The following PLXNA4 variants were observed in gnomAD, a reference collection of about 807,000 sequenced individuals.
PLXNA4 encodes plexin A4.
PLXNA4 carries 44 observed loss-of-function variants against 191.8 expected under a neutral mutation model. The ratio of observed to expected loss-of-function variants is 0.23; its 90% confidence interval spans 0.18 to 0.29. The LOEUF (loss-of-function observed/expected upper bound fraction) is 0.29. Among genes scored for constraint, PLXNA4 ranks in the 10% least tolerant of loss-of-function variants. The pLI is 1.00. For missense variants in PLXNA4, 1,800 were observed against 2,488.8 expected, an observed-to-expected ratio of 0.72 and a Z score of 5.89; for synonymous variants, 1,082 against 1,009.5, an observed-to-expected ratio of 1.07 and a Z score of -1.36.
At chr7:132,282,003 A>T (rs1800495805) in intron 4 of PLXNA4, among the ~76,000 whole-genome samples, 1 of 152,170 alleles carries the variant, frequency 6.6e-6, no homozygotes, top group South Asian at 2.1e-4. Flanking sequence ...TGAGGATGCC[A>T]GTGTCAAGCC....
In PLXNA4 at chr7:132,331,682, T is replaced by C. The variant is rs557558565; in HGVS notation, c.1372-33460A>G. Among the ~76,000 whole-genome samples, 4 of 152,310 alleles carry C rather than the reference T, an allele frequency of 2.6e-5. No homozygotes were observed. In the East Asian group the frequency reaches 5.8e-4, roughly 22 times the overall value. Reference sequence around the variant, plus strand: ...CTTATAATAATTATAATGGTGGCTATTGCTCTCGGGCTTTCCTTCCAGGCC... The same window carrying C: ...CTTATAATAATTATAATGGTGGCTACTGCTCTCGGGCTTTCCTTCCAGGCC... On this transcript the variant is annotated intron_variant, in intron 3 of 31. Coordinates refer to ENST00000321063, the MANE Select transcript of PLXNA4 (RefSeq NM_020911.2).
chr7:132,600,458 G>A (rs1802796117), intron 2 of PLXNA4, among the ~76,000 whole-genome samples: 1 of 152,120 alleles, frequency 6.6e-6, no homozygotes, highest in South Asian at 2.1e-4. Context: ...CAATCTCTTG[G>A]GCTCAAGCAA....
chr7:132,495,347 A>G (rs756423767), intron 2 of PLXNA4, among the ~76,000 whole-genome samples: 15 of 152,226 alleles, frequency 9.9e-5, no homozygotes, highest in African/African-American at 2.2e-4. Context: ...CTGTGGGCCA[A>G]TTAGCTTAGC....
At chr7:132,495,330 C>T (rs1289742481) in intron 2 of PLXNA4, among the ~76,000 whole-genome samples, 1 of 152,238 alleles carries the variant, frequency 6.6e-6, no homozygotes, top group Admixed American at 6.5e-5. Flanking sequence ...TCAGCAGGTC[C>T]ATCCCCCTGT....
At chr7:132,533,066 T>G (rs1407889776) in intron 1 of PLXNA4, among the ~76,000 whole-genome samples, 15 of 152,246 alleles carry the variant, frequency 9.9e-5, no homozygotes, top group African/African-American at 3.4e-4. Context: ...TGTCCTTCCT[T>G]TAATTTCCAG....
chr7:132,596,621 G>GA (rs1377978576), intron 2 of PLXNA4, among the ~76,000 whole-genome samples: 1 of 152,068 alleles, frequency 6.6e-6, no homozygotes, highest in Admixed American at 6.5e-5. Flanking sequence ...CTTTACTTCT[G>GA]AAAAATGCAT....
At chr7:132,416,869 G>C (rs1317133397) in intron 3 of PLXNA4, among the ~76,000 whole-genome samples, 1 of 152,032 alleles carries the variant, frequency 6.6e-6, no homozygotes, top group Non-Finnish European at 1.5e-5. Flanking sequence ...TTATGGACTA[G>C]TGCCCCATTC....
At position 132,127,842 on chromosome 7, in the gene PLXNA4, AC is replaced by A. The variant is rs1468965103; in HGVS notation, c.*2636del. Reference sequence around the variant, plus strand: ...TGAGGTGTTTGAAATTTTTCTTATAACAAAAACATGGAATAAAATAAAGTCC... The same window carrying A: ...TGAGGTGTTTGAAATTTTTCTTATAAAAAAACATGGAATAAAATAAAGTCC... On this transcript the variant is annotated 3_prime_UTR_variant, in exon 32 of 32. Transcript: ENST00000321063. 2 of 148,338 alleles carry A rather than the reference AC, an allele frequency of 1.3e-5. No individual in the cohort carries two copies. Among genetic ancestry groups the A allele is most frequent in the Admixed American group, 6.7e-5 (1 of 14,930 alleles). The allele number at this position is 148,338 out of a possible 1,614,324, so 9.2% of individuals were successfully genotyped here.
rs148429728 is a variant in PLXNA4 at position 132,483,195 on chromosome 7, C to T, written c.1371+6097G>A. ...GAATTGGTCCAACTGCCACTGCCTTCCCCATCAGAGTGGCTGAGGAAATCA... is the reference window on the plus strand; with the variant it reads ...GAATTGGTCCAACTGCCACTGCCTTTCCCATCAGAGTGGCTGAGGAAATCA... On this transcript the variant is annotated intron_variant, in intron 3 of 31. Coordinates refer to ENST00000321063, the MANE Select transcript of PLXNA4 (RefSeq NM_020911.2). Among the ~76,000 whole-genome samples the T allele has an allele frequency of 9.1e-3, 1,393 of 152,302 alleles. 10 individuals carry two copies. The highest frequency in any genetic ancestry group is 0.014 in the Non-Finnish European group (967 of 68,026).
chr7:132,365,970 C>T (rs943431308), intron 3 of PLXNA4: 14 of 152,100 alleles, frequency 9.2e-5, no homozygotes, highest in African/African-American at 2.9e-4. Flanking sequence ...AGTTACAAGC[C>T]GTGAACCTGT....
At chr7:132,596,170 G>A (rs2116833593) in intron 2 of PLXNA4, among the ~76,000 whole-genome samples, 1 of 152,276 alleles carries the variant, frequency 6.6e-6, no homozygotes, top group African/African-American at 2.4e-5. Context: ...CAAGCTGATA[G>A]TTTTGTAAGT....
intron 4 of PLXNA4, among the ~76,000 whole-genome samples, chr7:132,242,591 C>G (rs145435536): frequency 7.8e-4 from 119 of 152,210 alleles, no homozygotes; most frequent in African/African-American, 2.5e-3. Flanking sequence ...ACACACTGAG[C>G]GTTCTTAATG....
Position 132,212,578 on chromosome 7 carries a change from C to G in PLXNA4, c.2098-1435G>C, listed in dbSNP as rs1797837730. 2.0e-5 allele frequency among the ~76,000 whole-genome samples: 3 copies of G among 152,302 alleles called. No individual in the cohort carries two copies. The South Asian group carries it at 6.2e-4, about 32-fold the overall frequency. ...AGTGGGACTCCAAGGCCCTAACCAT[C>G]TTAACTCATCATGATTCCATGATTT... is the stretch of plus-strand genomic sequence containing the variant. On this transcript the variant is annotated intron_variant, in intron 9 of 31. Coordinates refer to ENST00000321063, the MANE Select transcript of PLXNA4 (RefSeq NM_020911.2).
chr7:132,191,238 G>A (rs1797076638), intron 14 of PLXNA4, among the ~76,000 whole-genome samples: 1 of 152,172 alleles, frequency 6.6e-6, no homozygotes, highest in Admixed American at 6.5e-5. Flanking sequence ...AAGATTTAAG[G>A]AGGCCGTTGT....
intron 2 of PLXNA4, among the ~76,000 whole-genome samples, chr7:132,491,776 C>A (rs1021703300): frequency 3.9e-5 from 6 of 152,078 alleles, no homozygotes; most frequent in Non-Finnish European, 7.4e-5. Context: ...TTATAGGAGT[C>A]AAATTTACAA....
At chr7:132,624,938 A>G (rs1309289124) in intron 2 of PLXNA4, among the ~76,000 whole-genome samples, 2 of 152,208 alleles carry the variant, frequency 1.3e-5, no homozygotes, top group Non-Finnish European at 1.5e-5. Context: ...TTCTGCTTCT[A>G]GATTGCCCAA....
intron 4 of PLXNA4, among the ~76,000 whole-genome samples, chr7:132,248,826 C>T (rs1158317058): frequency 3.3e-5 from 5 of 151,082 alleles, no homozygotes; most frequent in African/African-American, 1.2e-4. Flanking sequence ...CTTGTACTGA[C>T]CATCTGGCCA....
intron 3 of PLXNA4, among the ~76,000 whole-genome samples, chr7:132,447,745 T>C (rs943647904): frequency 6.6e-6 from 1 of 152,022 alleles, no homozygotes; most frequent in Non-Finnish European, 1.5e-5. Context: ...GCCAACACTT[T>C]GGGAGGCCGA....
At chr7:132,197,263 A>G (rs1797281067) in intron 13 of PLXNA4, among the ~76,000 whole-genome samples, 1 of 152,116 alleles carries the variant, frequency 6.6e-6, no homozygotes, top group Non-Finnish European at 1.5e-5. Flanking sequence ...CTGCTATTGT[A>G]CTTTTTCCAG....
Sources: gnomAD v4.1 joint callset for allele counts (sites outside exome capture counted in the v4.1 genomes callset) on GRCh38, gnomAD v4.1.1 for gene constraint, MANE v1.5 for transcripts, NCBI Gene and HGNC (gene_info 2026-07-23, HGNC 2026-07-21) for gene names.